The following ADARB1 variants were observed in gnomAD, a reference collection of about 807,000 sequenced individuals.
The protein encoded by ADARB1 is adenosine deaminase RNA specific B1, also known as double-stranded RNA-specific editase 1.
A neutral mutation model predicts 52.4 loss-of-function variants in ADARB1; 10 were observed. That is an observed-to-expected ratio of 0.19 (90% CI 0.12 to 0.32). The LOEUF is 0.32. Ranked by LOEUF, ADARB1 falls within the 10% of genes least tolerant of loss-of-function variation. ADARB1 has a pLI of 1.00. For synonymous variants in ADARB1, 349 were observed against 371.1 expected, an observed-to-expected ratio of 0.94 and a Z score of 0.68; for missense variants, 643 against 922.3, an observed-to-expected ratio of 0.70 and a Z score of 3.92.
chr21:45,077,934 A>G (rs1053546719), intron 1 of ADARB1, among the ~76,000 whole-genome samples: 29 of 152,238 alleles, frequency 1.9e-4, no homozygotes, highest in African/African-American at 6.8e-4. Flanking sequence ...GGACAGGGAC[A>G]GCGCAGTAGC....
chr21:45,081,783 G>C (rs770378575), intron 1 of ADARB1, among the ~76,000 whole-genome samples: 1 of 152,178 alleles, frequency 6.6e-6, no homozygotes, highest in Non-Finnish European at 1.5e-5. Context: ...CATGTCAGGA[G>C]GGGGGACAAC....
intron 5 of ADARB1, among the ~76,000 whole-genome samples, chr21:45,181,091 G>T (rs544126975): frequency 5.9e-5 from 9 of 152,312 alleles, no homozygotes; most frequent in Non-Finnish European, 1.3e-4. Context: ...CCCCTGTCAT[G>T]TGGGGCCGTC....
At chr21:45,187,677 G>GT (rs2092153508) in intron 8 of ADARB1, among the ~76,000 whole-genome samples, 1 of 151,960 alleles carries the variant, frequency 6.6e-6, no homozygotes, top group East Asian at 1.9e-4. Flanking sequence ...CGTTGAGTTA[G>GT]TTTTTTTTCT....
At chr21:45,084,959 A>G (rs1192285351) in intron 1 of ADARB1, among the ~76,000 whole-genome samples, 5 of 152,182 alleles carry the variant, frequency 3.3e-5, no homozygotes, top group Non-Finnish European at 5.9e-5. Context: ...AGTCAGACAC[A>G]ATACTGGGTT....
intron 9 of ADARB1, among the ~76,000 whole-genome samples, chr21:45,217,868 A>G (rs2092896702): frequency 1.3e-5 from 2 of 152,174 alleles, no homozygotes; most frequent in African/African-American, 4.8e-5. Flanking sequence ...TTCTCCTTTA[A>G]GCACTTTAAA....
intron 8 of ADARB1, among the ~76,000 whole-genome samples, chr21:45,196,239 T>C (rs1279934365): frequency 6.6e-6 from 1 of 151,678 alleles, no homozygotes; most frequent in Non-Finnish European, 1.5e-5. Context: ...GGCAATTCAG[T>C]GGAGAAAGAA....
At position 45,222,237 on chromosome 21, in the gene ADARB1, A is replaced by C. The variant is rs776468561; in HGVS notation, c.*40A>C. The C allele has an allele frequency of 3.3e-6, 5 of 1,512,296 alleles. No homozygotes were observed. The highest frequency in any genetic ancestry group is 1.4e-5 in the African/African-American group (1 of 71,462). The allele number at this position is 1,512,296 out of a possible 1,614,324, so 93.7% of individuals were successfully genotyped here. ...ATGGGGGGTGCAGGGGGCTGTGGGC[A>C]TCCAGCGTCATCCTCCAGAACCTCA... On this transcript the variant is annotated 3_prime_UTR_variant, in exon 11 of 11. Coordinates refer to ENST00000348831, the MANE Select transcript of ADARB1 (RefSeq NM_001112.4).
In ADARB1 at chr21:45,128,151, G is replaced by A. The variant is rs2088709891; in HGVS notation, c.-219-251G>A. On this transcript the variant is annotated intron_variant, in intron 1 of 10. Coordinates refer to ENST00000348831, the MANE Select transcript of ADARB1 (RefSeq NM_001112.4). The surrounding 1 kb of genome is among the most constrained non-coding windows in gnomAD (Gnocchi z 4.6). ...TGGTGCCGCTGATGCCGAGATGTTG[G>A]GCTGGCAGCGATCTGCCTCCGTCTG... is the stretch of plus-strand genomic sequence containing the variant. Among the ~76,000 whole-genome samples, 1 of 152,230 alleles carries A rather than the reference G, an allele frequency of 6.6e-6. No homozygotes were observed. Among genetic ancestry groups the A allele is most frequent in the African/African-American group, 2.4e-5 (1 of 41,456 alleles).
intron 2 of ADARB1, chr21:45,145,541 A>G (rs1306250944): frequency 3.3e-5 from 5 of 152,298 alleles, no homozygotes; most frequent in Admixed American, 6.5e-5. Context: ...TGTGCTGGCT[A>G]TAAGCCCTGG....
rs2093041156 is a variant in ADARB1 at position 45,225,107 on chromosome 21, A to T, written c.*2910A>T. 1.0e-6 allele frequency: 1 copy of T among 995,116 alleles called. No homozygotes were observed. The highest frequency in any genetic ancestry group is 1.2e-6 in the Non-Finnish European group (1 of 836,994). The allele number at this position is 995,116 out of a possible 1,614,324, so 61.6% of individuals were successfully genotyped here. A position where few individuals can be genotyped will look rare whatever the true frequency, so the allele number is the denominator to read the frequency against. ...TGTTTTGTTTTGTTAACTAAACCTG[A>T]AGTATTAATTCCACAAAGACACTGT... On this transcript the variant is annotated 3_prime_UTR_variant, in exon 11 of 11. Transcript: ENST00000348831.
Position 45,123,712 on chromosome 21 carries a change from C to T in ADARB1, c.-219-4690C>T, listed in dbSNP as rs113025113. Among the ~76,000 whole-genome samples the T allele has an allele frequency of 5.1e-3, 770 of 152,230 alleles. 12 individuals carry two copies. Among genetic ancestry groups the T allele is most frequent in the African/African-American group, 0.017 (723 of 41,506 alleles). On this transcript the variant is annotated intron_variant, in intron 1 of 10. Coordinates refer to ENST00000348831, the MANE Select transcript of ADARB1 (RefSeq NM_001112.4). ...AACTCCCAGGTTCAAACAGTCCTCCCGCCTTAGCCTGCTGAGCAGCTGACA... is the reference window on the plus strand; with the variant it reads ...AACTCCCAGGTTCAAACAGTCCTCCTGCCTTAGCCTGCTGAGCAGCTGACA...
intron 9 of ADARB1, among the ~76,000 whole-genome samples, chr21:45,205,142 T>G (rs1279389559): frequency 6.6e-6 from 1 of 152,066 alleles, no homozygotes; most frequent in Non-Finnish European, 1.5e-5. Flanking sequence ...ATGCCTGTGG[T>G]CCCAGCTACT....
At chr21:45,153,241 G>C (rs1407973235) in intron 2 of ADARB1, among the ~76,000 whole-genome samples, 2 of 151,730 alleles carry the variant, frequency 1.3e-5, no homozygotes, top group African/African-American at 4.9e-5. Context: ...TTAAAATCTA[G>C]ATTTTTTTTC....
rs762931665 is a variant in ADARB1 at position 45,204,565 on chromosome 21, G to A, written c.1576G>A (p.Val526Met). 7 of 1,614,066 alleles carry A rather than the reference G, an allele frequency of 4.3e-6. No individual in the cohort carries two copies. The highest frequency in any genetic ancestry group is 5.1e-6 in the Non-Finnish European group (6 of 1,179,982). Residue 526 changes from valine (V) to methionine (M), a missense_variant, in exon 9 of 11, where the codon GTG (valine) becomes ATG (methionine). Physicochemically the swap from Val to Met is conservative, Grantham distance 21. Around this residue, in one of 2 missense-constraint regions of ADARB1, gnomAD observed 263 missense variants for 475.8 expected, o/e 0.55. Coordinates refer to ENST00000348831, the MANE Select transcript of ADARB1 (RefSeq NM_001112.4). The surrounding 1 kb of genome is among the most constrained non-coding windows in gnomAD (Gnocchi z 4.4). The part of the protein sequence containing the change: ...CSDKIARWNV[V>M]GIQGSLLSIF... Reference sequence around the variant, plus strand: ...TTCTTCTCCCTCCAGCTGGAACGTGGTGGGCATCCAGGGATCCCTGCTCAG... The same window carrying A: ...TTCTTCTCCCTCCAGCTGGAACGTGATGGGCATCCAGGGATCCCTGCTCAG...
At chr21:45,118,208 T>A (rs2087936004) in intron 1 of ADARB1, among the ~76,000 whole-genome samples, 1 of 152,240 alleles carries the variant, frequency 6.6e-6, no homozygotes, top group African/African-American at 2.4e-5. Context: ...CCAGTTTCTC[T>A]TTAGGTGTCC....
Position 45,208,718 on chromosome 21 carries a change from ATGAG to A in ADARB1, c.1747+3983_1747+3986del, listed in dbSNP as rs1232672355. ...TGTGTGTGCACGCTCACATGAGTGT[ATGAG>A]AGAGAGAGTGTGTGTGTGTGTGTAT... On this transcript the variant is annotated intron_variant, in intron 9 of 10. Coordinates refer to ENST00000348831, the MANE Select transcript of ADARB1 (RefSeq NM_001112.4). This position sits in a 1 kb window ranked among gnomAD's most constrained non-coding sequence, Gnocchi z 5.6. Among the ~76,000 whole-genome samples, 1 of 151,478 alleles carries A rather than the reference ATGAG, an allele frequency of 6.6e-6. No homozygotes were observed. Among genetic ancestry groups the A allele is most frequent in the Non-Finnish European group, 1.5e-5 (1 of 67,826 alleles).
chr21:45,187,093 T>G (rs1398364478), intron 8 of ADARB1, among the ~76,000 whole-genome samples: 1 of 152,236 alleles, frequency 6.6e-6, no homozygotes, highest in Non-Finnish European at 1.5e-5. Flanking sequence ...TTATGTTGAC[T>G]CTATAGATTG....
At chr21:45,147,726 C>T (rs535777990) in intron 2 of ADARB1, among the ~76,000 whole-genome samples, 5 of 152,330 alleles carry the variant, frequency 3.3e-5, no homozygotes, top group Non-Finnish European at 7.3e-5. Flanking sequence ...TTGCTCAGCG[C>T]GTTCTGCAGT....
intron 9 of ADARB1, among the ~76,000 whole-genome samples, chr21:45,218,341 G>A (rs189342455): frequency 1.3e-4 from 20 of 152,270 alleles, no homozygotes; most frequent in Non-Finnish European, 2.6e-4. Flanking sequence ...CCCATCAAGT[G>A]TATTTTTTAT....
Sources: allele counts gnomAD v4.1 joint callset (sites outside exome capture counted in the v4.1 genomes callset), GRCh38; gene constraint gnomAD v4.1.1; regional missense constraint gnomAD v4.1.1; non-coding constraint Gnocchi (gnomAD v3.1); transcripts MANE v1.5; gene names NCBI Gene and HGNC (gene_info 2026-07-23, HGNC 2026-07-21).